Variants in LRRC49 observed in about 807,000 individuals in gnomAD.
LRRC49 encodes the protein leucine rich repeat containing 49.
LRRC49 carries 50 observed loss-of-function variants against 83.3 expected under a neutral mutation model. The ratio of observed to expected loss-of-function variants is 0.60; its 90% CI spans 0.48 to 0.76. The LOEUF (loss-of-function observed/expected upper bound fraction) is 0.76, where lower values mean the gene tolerates loss of function less well. Ranked by LOEUF, LRRC49 falls within the 30% of genes least tolerant of loss-of-function variation. The pLI, the probability that LRRC49 is intolerant of heterozygous loss-of-function variation, is 0.00. For missense variants in LRRC49, 704 were observed against 809.1 expected (o/e 0.87, Z 1.58); for synonymous variants, 286 against 283.3 (o/e 1.01, Z -0.10).
chr15:70,908,667 T>C (rs1471377619), intron 5 of LRRC49: 3 of 152,182 alleles, frequency 2.0e-5, no homozygotes, highest in Non-Finnish European at 4.4e-5. Context: ...CAGTAAGCAA[T>C]TACAAAAAGG....
chr15:70,892,107 C>T (rs759559367), upstream of LRRC49: 45 of 1,613,868 alleles, frequency 2.8e-5, no homozygotes, highest in Non-Finnish European at 3.6e-5. Flanking sequence ...GCAAAGTGGT[C>T]AGAGCAGATG....
intron 15 of LRRC49, among the ~76,000 whole-genome samples, chr15:71,046,885 C>T (rs1403469711): frequency 1.3e-5 from 2 of 152,140 alleles, no homozygotes; most frequent in Non-Finnish European, 2.9e-5. Context: ...TAAGAAAGGT[C>T]CAGCTTCAAT....
intron 7 of LRRC49, among the ~76,000 whole-genome samples, chr15:70,922,541 G>A (rs550730767): frequency 3.3e-5 from 5 of 152,168 alleles, no homozygotes; most frequent in Non-Finnish European, 7.4e-5. Context: ...GGTAGTGGGG[G>A]GTTGAGGGGA....
intron 8 of LRRC49, among the ~76,000 whole-genome samples, chr15:70,962,079 T>G (rs1198604806): frequency 6.6e-6 from 1 of 152,210 alleles, no homozygotes; most frequent in Non-Finnish European, 1.5e-5. Context: ...CATTGTACTT[T>G]AGTTGATAAA....
intron 8 of LRRC49, among the ~76,000 whole-genome samples, chr15:70,944,958 A>G (rs1252058722): frequency 6.6e-6 from 1 of 152,112 alleles, no homozygotes; most frequent in African/African-American, 2.4e-5. Flanking sequence ...TGACCCATAG[A>G]TACTCTTCAT....
intron 14 of LRRC49, among the ~76,000 whole-genome samples, chr15:71,029,886 A>G (rs935064479): frequency 1.3e-5 from 2 of 151,550 alleles, no homozygotes; most frequent in Non-Finnish European, 3.0e-5. Flanking sequence ...ATATTTCTCC[A>G]TCCCTTTATT....
intron 8 of LRRC49, among the ~76,000 whole-genome samples, chr15:70,953,386 G>A (rs1384528498): frequency 6.6e-6 from 1 of 152,156 alleles, no homozygotes; most frequent in Non-Finnish European, 1.5e-5. Context: ...CTTTGCTGAT[G>A]AGGTTTAGTT....
chr15:70,873,266 A>G, intron 2 of LRRC49: 1 of 1,525,342 alleles, frequency 6.6e-7, no homozygotes, highest in Non-Finnish European at 8.8e-7. Context: ...TATAACAATT[A>G]TACTCTGCTA....
rs894658008 is a variant in LRRC49 at position 70,872,447 on chromosome 15, A to G, written c.-298-461A>G. On this transcript the variant is annotated intron_variant, in intron 1 of 16. Transcript: ENST00000544974. ...AGGAGGGGGAGGGCGAGGGGGAGGGAGAGGTACTTAGTTTTATCCCTGGTT... is the reference window on the plus strand; with the variant it reads ...AGGAGGGGGAGGGCGAGGGGGAGGGGGAGGTACTTAGTTTTATCCCTGGTT... Among the ~76,000 whole-genome samples, 20 of 151,842 alleles carry G rather than the reference A, an allele frequency of 1.3e-4. No individual in the cohort carries two copies. The South Asian group carries it at 1.7e-3, about 13-fold the overall frequency.
At chr15:71,039,264 A>C (rs1567112811) in intron 15 of LRRC49, among the ~76,000 whole-genome samples, 1 of 152,144 alleles carries the variant, frequency 6.6e-6, no homozygotes, top group Non-Finnish European at 1.5e-5. Context: ...AAAGATAGTA[A>C]GAGAACAATG....
At chr15:70,900,573 A>G (rs2034029124) in intron 3 of LRRC49, 4 of 457,978 alleles carry the variant, frequency 8.7e-6, no homozygotes, top group South Asian at 1.5e-5. Flanking sequence ...TGCTGGCCCA[A>G]ATATATCTGG....
chr15:70,859,370 G>A (rs1211489131), intron 1 of LRRC49: 14 of 768,110 alleles, frequency 1.8e-5, no homozygotes, highest in East Asian at 9.8e-5. Context: ...GCTGACTGAC[G>A]AGATGGACTT....
At chr15:70,858,684 G>A (rs2032710385) in intron 1 of LRRC49, 2 of 611,786 alleles carry the variant, frequency 3.3e-6, no homozygotes, top group Admixed American at 2.9e-5. Context: ...GCCTGGTTCA[G>A]CCCGCCTGCC....
chr15:70,921,334 AACACCC>A, intron 7 of LRRC49, among the ~76,000 whole-genome samples: 1 of 152,160 alleles, frequency 6.6e-6, no homozygotes, highest in East Asian at 1.9e-4. Context: ...CTATAGATAA[AACACCC>A]ACACTTTCCA....
intron 9 of LRRC49, among the ~76,000 whole-genome samples, chr15:70,977,498 A>G (rs938584162): frequency 3.3e-5 from 5 of 152,134 alleles, no homozygotes; most frequent in African/African-American, 1.2e-4. Flanking sequence ...TACAAAAATT[A>G]GCCTGGCATG....
intron 5 of LRRC49, among the ~76,000 whole-genome samples, chr15:70,909,378 G>T (rs1340546626): frequency 6.6e-6 from 1 of 152,122 alleles, no homozygotes; most frequent in Non-Finnish European, 1.5e-5. Context: ...GAGAACCACT[G>T]TTTTAGGGAA....
upstream of LRRC49, among the ~76,000 whole-genome samples, chr15:70,887,910 T>C (rs1360854172): frequency 6.6e-6 from 1 of 152,190 alleles, no homozygotes; most frequent in East Asian, 1.9e-4. Context: ...TTTATCAATA[T>C]GCACTTATAG....
intron 7 of LRRC49, among the ~76,000 whole-genome samples, chr15:70,925,518 C>T (rs1415578808): frequency 6.6e-6 from 1 of 151,946 alleles, no homozygotes; most frequent in Non-Finnish European, 1.5e-5. Context: ...CAACTGAAGG[C>T]AGAAGAAATT....
chr15:70,989,698 A>C (rs1182764197), intron 11 of LRRC49, among the ~76,000 whole-genome samples: 1 of 152,076 alleles, frequency 6.6e-6, no homozygotes, highest in Admixed American at 6.5e-5. Flanking sequence ...TTGGAGGAGG[A>C]GAGGCGCTCT....
Sources: gnomAD v4.1 joint callset for allele counts (sites outside exome capture counted in the v4.1 genomes callset) on GRCh38, gnomAD v4.1.1 for gene constraint, MANE v1.5 for transcripts, NCBI Gene and HGNC (gene_info 2026-07-23, HGNC 2026-07-21) for gene names.